NCKAP5: variants seen among roughly 807,000 people sequenced by gnomAD.
The protein encoded by NCKAP5 is nck-associated protein 5.
Under a neutral mutation model 167.0 loss-of-function variants are expected in NCKAP5, and 92 were observed. The observed-to-expected ratio is 0.55, with a 90% CI of 0.47 to 0.66. The LOEUF is 0.66. Ranked by LOEUF, NCKAP5 falls within the 30% of genes least tolerant of loss-of-function variation. NCKAP5 has a pLI of 0.00. For synonymous variants in NCKAP5, 891 were observed against 877.4 expected, an observed-to-expected ratio of 1.02 and a Z score of -0.27; for missense variants, 2,378 against 2,315.0, an observed-to-expected ratio of 1.03 and a Z score of -0.56.
In NCKAP5 at chr2:132,839,701, T is replaced by C. The variant is rs567623132; in HGVS notation, c.807+20791A>G. On this transcript the variant is annotated intron_variant, in intron 11 of 19. Coordinates refer to ENST00000409261, the MANE Select transcript of NCKAP5 (RefSeq NM_207363.3). ...TGGGCCCAAGAGGTTGAGGCTATAGTGAACTTTGATCATGGCACTGCTCTC... is the reference window on the plus strand; with the variant it reads ...TGGGCCCAAGAGGTTGAGGCTATAGCGAACTTTGATCATGGCACTGCTCTC... 1.4e-4 allele frequency among the ~76,000 whole-genome samples: 20 copies of C among 139,532 alleles called. No individual in the cohort carries two copies. In the Admixed American group the frequency reaches 1.5e-3, roughly 10 times the overall value. The allele number at this position is 139,532 out of a possible 152,430, so 91.5% of individuals were successfully genotyped here. A position where few individuals can be genotyped will look rare whatever the true frequency, so the allele number is the denominator to read the frequency against.
At chr2:132,693,611 C>G (rs1217237329) in intron 19 of NCKAP5, among the ~76,000 whole-genome samples, 1 of 129,792 alleles carries the variant, frequency 7.7e-6, no homozygotes, top group Non-Finnish European at 1.7e-5. Context: ...CCGAATACCC[C>G]ACCCCGCCTT....
chr2:133,076,733 T>G (rs1348098604), intron 6 of NCKAP5, among the ~76,000 whole-genome samples: 1 of 152,226 alleles, frequency 6.6e-6, no homozygotes, highest in Non-Finnish European at 1.5e-5. Flanking sequence ...TCATAACTAC[T>G]TCCATCCTCA....
At chr2:133,597,985 C>G in the NCKAP5 span, among the ~76,000 whole-genome samples, 1 of 152,148 alleles carries the variant, frequency 6.6e-6, no homozygotes, top group East Asian at 1.9e-4. Flanking sequence ...TGAATACCCA[C>G]CTGGGTAAAC....
intron 5 of NCKAP5, among the ~76,000 whole-genome samples, chr2:133,137,287 A>G (rs1253274550): frequency 6.6e-6 from 1 of 152,162 alleles, no homozygotes; most frequent in Non-Finnish European, 1.5e-5. Context: ...CAGAAGAATC[A>G]GAATCAGATT....
At chr2:133,190,457 G>T (rs1230823413) in intron 5 of NCKAP5, among the ~76,000 whole-genome samples, 2 of 152,128 alleles carry the variant, frequency 1.3e-5, no homozygotes, top group Non-Finnish European at 2.9e-5. Flanking sequence ...AGCCCACATT[G>T]CCAAGACAAT....
intron 6 of NCKAP5, chr2:133,117,646 G>A (rs1014281314): frequency 6.6e-6 from 1 of 152,220 alleles, no homozygotes; most frequent in Non-Finnish European, 1.5e-5. Context: ...AGACTTGTAA[G>A]TGTTCTATGT....
intron 6 of NCKAP5, among the ~76,000 whole-genome samples, chr2:133,128,944 GAT>G (rs754704619): frequency 3.0e-5 from 3 of 100,316 alleles, no homozygotes; most frequent in African/African-American, 1.2e-4. Context: ...GAAACTCACT[GAT>G]TTTTTTTTTT....
intron 3 of NCKAP5, among the ~76,000 whole-genome samples, chr2:133,339,112 A>G (rs1345294134): frequency 6.6e-6 from 1 of 152,234 alleles, no homozygotes; most frequent in East Asian, 1.9e-4. Context: ...AAAATCAAAG[A>G]AATTTCAACA....
At position 132,790,066 on chromosome 2, in the gene NCKAP5, C is replaced by T. The variant is rs866521236; in HGVS notation, c.1049G>A (p.Gly350Asp). ...CCCATCGTGCCACGTGTAGGAGGAG[C>T]CACTGGAGTACTCGCTGCAGGTGCT... ...LSSTCSEYSS[G>D]SSYTWHDGKN... Residue 350 changes from glycine to aspartate, a missense_variant, in exon 13 of 20, where the codon GGC becomes GAC. Physicochemically the swap from Gly to Asp is moderately conservative, Grantham distance 94 (BLOSUM62 -1). Around this residue, in one of 3 missense-constraint regions of NCKAP5, gnomAD observed 1,049 missense variants for 1,023.4 expected, o/e 1.02. Transcript: ENST00000409261. The T allele has an allele frequency of 6.2e-7, 1 of 1,613,256 alleles. No individual in the cohort carries two copies. The highest frequency in any genetic ancestry group is 1.3e-5 in the African/African-American group (1 of 75,000).
chr2:132,902,514 G>A (rs1314619268), intron 8 of NCKAP5, among the ~76,000 whole-genome samples: 10 of 152,318 alleles, frequency 6.6e-5, no homozygotes, highest in African/African-American at 2.2e-4. Flanking sequence ...GATTTACACA[G>A]ATACTCGTTT....
chr2:132,769,436 ATAT>A (rs1180719642), intron 16 of NCKAP5, among the ~76,000 whole-genome samples: 4 of 152,258 alleles, frequency 2.6e-5, no homozygotes, highest in Non-Finnish European at 5.9e-5. Context: ...TATTGGAAAC[ATAT>A]TATGGTTATA....
chr2:133,478,529 T>C (rs1297676681), intron 3 of NCKAP5, among the ~76,000 whole-genome samples: 2 of 152,160 alleles, frequency 1.3e-5, no homozygotes, highest in African/African-American at 4.8e-5. Flanking sequence ...GACACCTCGA[T>C]AGGCAGGGCT....
chr2:133,311,835 G>T (rs1681255229), intron 3 of NCKAP5, among the ~76,000 whole-genome samples: 1 of 152,140 alleles, frequency 6.6e-6, no homozygotes, highest in Non-Finnish European at 1.5e-5. Flanking sequence ...CCAGAAACTG[G>T]GAAGCAGAGA....
At chr2:132,713,710 AAAC>A (rs1477167091) in intron 19 of NCKAP5, among the ~76,000 whole-genome samples, 12 of 86,662 alleles carry the variant, frequency 1.4e-4, no homozygotes, top group South Asian at 3.6e-4. Flanking sequence ...AGAAAGGGCC[AAAC>A]AAAAAAAAAA....
At chr2:133,027,198 G>A (rs1216969021) in intron 6 of NCKAP5, among the ~76,000 whole-genome samples, 1 of 152,136 alleles carries the variant, frequency 6.6e-6, no homozygotes, top group East Asian at 1.9e-4. Flanking sequence ...CAAGCGTCAA[G>A]GTCTGATGGT....
intron 11 of NCKAP5, among the ~76,000 whole-genome samples, chr2:132,804,830 A>G (rs1016967893): frequency 6.6e-6 from 1 of 152,010 alleles, no homozygotes; most frequent in Non-Finnish European, 1.5e-5. Flanking sequence ...ACAATGCTAC[A>G]TATATTTCAG....
At chr2:133,625,355 C>A in the NCKAP5 span, among the ~76,000 whole-genome samples, 10 of 152,258 alleles carry the variant, frequency 6.6e-5, no homozygotes, top group Non-Finnish European at 1.5e-4. Flanking sequence ...CAAAGACCAG[C>A]CCACTCGTAC....
intron 7 of NCKAP5, among the ~76,000 whole-genome samples, chr2:132,982,161 A>G (rs2077160691): frequency 6.6e-6 from 1 of 152,256 alleles, no homozygotes; most frequent in Non-Finnish European, 1.5e-5. Context: ...TAATGATAAT[A>G]TCTACTGTTT....
chr2:133,106,321 C>G (rs116275437), intron 6 of NCKAP5, among the ~76,000 whole-genome samples: 2,631 of 148,164 alleles, frequency 0.018, 83 homozygotes, highest in African/African-American at 0.061. Flanking sequence ...AGGAAAACTA[C>G]AGGAAGCTGA....
Sources: allele counts gnomAD v4.1 joint callset (sites outside exome capture counted in the v4.1 genomes callset), GRCh38; gene constraint gnomAD v4.1.1; regional missense constraint gnomAD v4.1.1; transcripts MANE v1.5; gene names NCBI Gene and HGNC (gene_info 2026-07-23, HGNC 2026-07-21).